The following DLC1 variants were observed in gnomAD, a reference collection of about 807,000 sequenced individuals.
DLC1 encodes DLC1 Rho GTPase activating protein, also known as rho GTPase-activating protein 7.
DLC1 carries 54 observed loss-of-function variants against 140.3 expected under a neutral mutation model. That is an observed-to-expected ratio of 0.38 (90% CI 0.31 to 0.48). The LOEUF is 0.48. Ranked by LOEUF, DLC1 falls within the 20% of genes least tolerant of loss-of-function variation. The pLI, the probability that DLC1 is intolerant of heterozygous loss-of-function variation, is 0.96. For synonymous variants in DLC1, 986 were observed against 728.1 expected (o/e 1.35, Z -5.70); for missense variants, 2,536 against 1,907.0 (o/e 1.33, Z -6.14).
In DLC1 at chr8:13,412,148, G is replaced by A. The variant is rs556452034; in HGVS notation, c.1024-10529C>T. Among the ~76,000 whole-genome samples, 86 of 152,174 alleles carry A rather than the reference G, an allele frequency of 5.7e-4. No individual in the cohort carries two copies. The Middle Eastern group carries it at 0.01, about 18-fold the overall frequency. On this transcript the variant is annotated intron_variant, in intron 2 of 17. Transcript: ENST00000276297. Reference sequence around the variant, plus strand: ...AGACAACCTAATAAAATTGGTCAAAGCATATAAAGAGTCTATTAATAGAAG... The same window carrying A: ...AGACAACCTAATAAAATTGGTCAAAACATATAAAGAGTCTATTAATAGAAG...
intron 2 of DLC1, among the ~76,000 whole-genome samples, chr8:13,490,605 A>G (rs780953371): frequency 1.3e-5 from 2 of 152,198 alleles, no homozygotes; most frequent in African/African-American, 2.4e-5. Context: ...AGGCAGCCAA[A>G]ACCTATGGTT....
intron 4 of DLC1, among the ~76,000 whole-genome samples, chr8:13,313,111 C>G (rs981418457): frequency 5.3e-5 from 8 of 152,162 alleles, no homozygotes; most frequent in African/African-American, 1.2e-4. Context: ...GGCAACGTCC[C>G]TGCTGAAGAT....
At chr8:13,591,692 A>C (rs1471586) in intron 1 of DLC1, among the ~76,000 whole-genome samples, 11,427 of 152,100 alleles carry the variant, frequency 0.075, 1,073 homozygotes, top group African/African-American at 0.2. Context: ...GGTAACAGTA[A>C]AGTTAGAAAT....
At chr8:13,354,952 CAAA>C (rs33950865) in intron 4 of DLC1, among the ~76,000 whole-genome samples, 23 of 106,946 alleles carry the variant, frequency 2.2e-4, no homozygotes, top group Non-Finnish European at 3.1e-4. Flanking sequence ...GACACTGGCT[CAAA>C]AAAAAAAAAA....
At chr8:13,463,170 A>G (rs976068260) in intron 2 of DLC1, among the ~76,000 whole-genome samples, 3 of 151,972 alleles carry the variant, frequency 2.0e-5, no homozygotes, top group African/African-American at 7.2e-5. Context: ...TTAGGGAACT[A>G]CACAACAGAC....
intron 2 of DLC1, among the ~76,000 whole-genome samples, chr8:13,428,808 A>G (rs142100228): frequency 1.3e-5 from 2 of 152,290 alleles, no homozygotes; most frequent in African/African-American, 4.8e-5. Context: ...ATACCATTTT[A>G]GGTGGCCCGA....
chr8:13,332,136 C>A lies in DLC1; in HGVS notation c.1315-26834G>T, dbSNP rs147930551. The stretch of plus-strand genomic sequence containing the variant: ...ATGTAATTGCTTATTTTTCTTAATG[C>A]CCCTTTAAATTAAAAACAAAACACA... On this transcript the variant is annotated intron_variant, in intron 4 of 17. Coordinates refer to ENST00000276297, the MANE Select transcript of DLC1 (RefSeq NM_182643.3). 4.0e-3 allele frequency among the ~76,000 whole-genome samples: 614 copies of A among 152,218 alleles called. 5 individuals are homozygous for A. Among genetic ancestry groups the A allele is most frequent in the Middle Eastern group, 0.014 (4 of 294 alleles).
intron 4 of DLC1, among the ~76,000 whole-genome samples, chr8:13,336,997 C>G (rs1833835889): frequency 6.6e-6 from 1 of 152,008 alleles, no homozygotes; most frequent in Non-Finnish European, 1.5e-5. Flanking sequence ...CCAAGTAAAA[C>G]AAAATCAATT....
intron 5 of DLC1, among the ~76,000 whole-genome samples, chr8:13,264,415 A>G (rs547553403): frequency 6.6e-6 from 1 of 152,302 alleles, no homozygotes; most frequent in Admixed American, 6.5e-5. Flanking sequence ...AATATCAAAA[A>G]TATAATTCTG....
At chr8:13,286,937 AG>A (rs1217505193) in intron 5 of DLC1, among the ~76,000 whole-genome samples, 1 of 152,170 alleles carries the variant, frequency 6.6e-6, no homozygotes, top group East Asian at 1.9e-4. Context: ...CAAGGGAAAG[AG>A]GGGATCTGAG....
intron 5 of DLC1, among the ~76,000 whole-genome samples, chr8:13,297,649 C>G (rs11782144): frequency 0.37 from 56,905 of 151,964 alleles, 11,348 homozygotes; most frequent in Middle Eastern, 0.46. Context: ...AGCAATAAAA[C>G]CAATCAGATC....
At chr8:13,129,496 A>T (rs1175194721) in intron 5 of DLC1, among the ~76,000 whole-genome samples, 2 of 152,226 alleles carry the variant, frequency 1.3e-5, no homozygotes, top group Admixed American at 1.3e-4. Context: ...TTAGAGCCCC[A>T]CAGCTCCAAA....
chr8:13,453,519 T>TATATATGTATATATATATAC (rs1799242756), intron 2 of DLC1, among the ~76,000 whole-genome samples: 2 of 44,700 alleles, frequency 4.5e-5, no homozygotes, highest in Non-Finnish European at 8.2e-5. Context: ...TATATACATA[T>TATATATGTATATATATATAC]ATATATATGT....
chr8:13,285,454 A>G (rs1472543466), intron 5 of DLC1, among the ~76,000 whole-genome samples: 1 of 152,186 alleles, frequency 6.6e-6, no homozygotes, highest in Non-Finnish European at 1.5e-5. Flanking sequence ...GACTTGTAGA[A>G]GTTTTCTAAT....
chr8:13,396,451 A>C (rs1395992862), intron 3 of DLC1, among the ~76,000 whole-genome samples: 2 of 152,184 alleles, frequency 1.3e-5, no homozygotes. Flanking sequence ...GTGAAATAAT[A>C]ACTTTTAAAA....
chr8:13,492,903 A>C (rs1266310021), intron 2 of DLC1, among the ~76,000 whole-genome samples: 1 of 152,228 alleles, frequency 6.6e-6, no homozygotes, highest in Non-Finnish European at 1.5e-5. Context: ...GGCAAAAACC[A>C]GGTTAAATGG....
intron 1 of DLC1, among the ~76,000 whole-genome samples, chr8:13,510,128 G>C (rs1802288091): frequency 1.3e-5 from 2 of 151,552 alleles, no homozygotes; most frequent in South Asian, 4.2e-4. Flanking sequence ...ATATAGATGA[G>C]TGATTAGAAC....
chr8:13,405,918 T>TTTCTTTCTTTCC (rs1402276801), intron 2 of DLC1, among the ~76,000 whole-genome samples: 66 of 7,182 alleles, frequency 9.2e-3, no homozygotes, highest in African/African-American at 0.025. Context: ...TTTCTTTTCT[T>TTTCTTTCTTTCC]TTCTTTCTTT....
intron 2 of DLC1, among the ~76,000 whole-genome samples, chr8:13,471,415 T>C (rs921620762): frequency 1.3e-5 from 2 of 148,956 alleles, no homozygotes; most frequent in African/African-American, 5.0e-5. Flanking sequence ...AACACTGTCA[T>C]ACACCCTTGG....
Sources: allele counts gnomAD v4.1 joint callset (sites outside exome capture counted in the v4.1 genomes callset), GRCh38; gene constraint gnomAD v4.1.1; transcripts MANE v1.5; gene names NCBI Gene and HGNC (gene_info 2026-07-23, HGNC 2026-07-21).